The following ACYP2 variants were observed in gnomAD, a reference collection of about 807,000 sequenced individuals.
The protein encoded by ACYP2 is acylphosphatase 2, also known as acylphosphatase-2.
A neutral mutation model predicts 11.2 loss-of-function variants in ACYP2; 12 were observed. The ratio of observed to expected loss-of-function variants is 1.08; its 90% confidence interval spans 0.69 to 1.74. ACYP2 has a LOEUF of 1.74. Ranked by LOEUF, ACYP2 falls within the 40% of genes most tolerant of loss-of-function variation. The probability of loss-of-function intolerance (pLI) is 0.00; values close to 1 mark genes in which losing one functional copy is unlikely to be tolerated. For missense variants in ACYP2, 134 were observed against 101.9 expected, an observed-to-expected ratio of 1.31 and a Z score of -1.35; for synonymous variants, 43 against 32.2, an observed-to-expected ratio of 1.33 and a Z score of -1.13.
At position 54,138,761 on chromosome 2, in the gene ACYP2, A is replaced by G. The variant is rs746928473; in HGVS notation, c.404+13A>G. 7 of 1,597,056 alleles carry G rather than the reference A, an allele frequency of 4.4e-6. No homozygotes were observed. The African/African-American group carries it at 8.1e-5, about 18-fold the overall frequency. On this transcript the variant is annotated intron_variant, in intron 6 of 6. Transcript: ENST00000607452. ...AAGTCAATTCCATGTGAGTAGTAAA[A>G]TTAATAACATGTACATGAAATTTAT...
At chr2:54,134,718 C>T (rs1681121614) in intron 4 of ACYP2, among the ~76,000 whole-genome samples, 2 of 152,164 alleles carry the variant, frequency 1.3e-5, no homozygotes, top group South Asian at 4.1e-4. Context: ...TTATTTATTT[C>T]ATTTACTTAC....
intron 2 of ACYP2, among the ~76,000 whole-genome samples, chr2:54,015,752 G>A (rs778298021): frequency 6.6e-6 from 1 of 151,882 alleles, no homozygotes; most frequent in Non-Finnish European, 1.5e-5. Context: ...CAAGATCCCA[G>A]GTGATTTCAG....
chr2:54,070,270 C>CAAAAAAAAAAAAAAAAAAA (rs200624759), intron 4 of ACYP2, among the ~76,000 whole-genome samples: 2 of 89,912 alleles, frequency 2.2e-5, no homozygotes, highest in Non-Finnish European at 4.4e-5. Context: ...AAGTCCATCT[C>CAAAAAAAAAAAAAAAAAAA]AAAAAAAAAA....
At chr2:54,036,275 A>G (rs568717609) in intron 2 of ACYP2, among the ~76,000 whole-genome samples, 15 of 152,216 alleles carry the variant, frequency 9.9e-5, no homozygotes, top group Non-Finnish European at 1.5e-4. Flanking sequence ...TTGTATTTTT[A>G]GTAGAGACGG....
At chr2:54,095,685 A>G (rs1678509521) in intron 4 of ACYP2, among the ~76,000 whole-genome samples, 1 of 106,696 alleles carries the variant, frequency 9.4e-6, no homozygotes, top group African/African-American at 3.7e-5. Flanking sequence ...TCCCTCCTGG[A>G]CGGGGCGGCT....
intron 4 of ACYP2, among the ~76,000 whole-genome samples, chr2:54,099,443 C>G (rs1352533912): frequency 6.6e-6 from 1 of 152,160 alleles, no homozygotes; most frequent in Non-Finnish European, 1.5e-5. Context: ...GTCTCCACTC[C>G]CACCCCCAGA....
In ACYP2 at chr2:54,295,507, G is replaced by T. The variant is rs114412861; in HGVS notation, c.405-9181G>T. Among the ~76,000 whole-genome samples the T allele has an allele frequency of 3.0e-3, 457 of 152,218 alleles. 4 individuals carry two copies. The highest frequency in any genetic ancestry group is 0.01 in the African/African-American group (430 of 41,530). The stretch of plus-strand genomic sequence containing the variant: ...CAGGGTTCCTTTCTGTATGTGGATG[G>T]TATAGGTGCCTAGAAATTGCCCTCC... On this transcript the variant is annotated intron_variant, in intron 6 of 6. Transcript: ENST00000607452.
chr2:53,977,525 G>C (rs968995860), intron 2 of ACYP2, among the ~76,000 whole-genome samples: 2 of 151,656 alleles, frequency 1.3e-5, no homozygotes, highest in African/African-American at 4.8e-5. Context: ...ACGAGGTCAA[G>C]AGTTTGAGAC....
At chr2:54,102,827 G>A (rs937585491) in intron 4 of ACYP2, among the ~76,000 whole-genome samples, 3 of 152,108 alleles carry the variant, frequency 2.0e-5, no homozygotes, top group Non-Finnish European at 2.9e-5. Context: ...TCTCTTGCCT[G>A]TTGGCAAAAT....
At chr2:53,992,494 A>T (rs916641137) in intron 2 of ACYP2, among the ~76,000 whole-genome samples, 3 of 152,218 alleles carry the variant, frequency 2.0e-5, no homozygotes, top group African/African-American at 7.2e-5. Flanking sequence ...GGCTTGTATC[A>T]CGGTAGAAGT....
chr2:54,283,576 C>T (rs1688939129), intron 6 of ACYP2, among the ~76,000 whole-genome samples: 1 of 152,140 alleles, frequency 6.6e-6, no homozygotes, highest in South Asian at 2.1e-4. Context: ...ACTCAAAAGC[C>T]CATGGTTTTA....
intron 4 of ACYP2, among the ~76,000 whole-genome samples, chr2:54,118,947 G>A (rs1679978438): frequency 6.7e-6 from 1 of 150,130 alleles, no homozygotes; most frequent in African/African-American, 2.5e-5. Flanking sequence ...CCCTGTAACT[G>A]CAATGGTTTT....
At chr2:54,075,145 G>A (rs1383795554) in intron 4 of ACYP2, among the ~76,000 whole-genome samples, 1 of 152,114 alleles carries the variant, frequency 6.6e-6, no homozygotes, top group African/African-American at 2.4e-5. Flanking sequence ...TTCAACGGAC[G>A]GTGTGTGCCT....
At chr2:54,252,664 T>C (rs918668445) in intron 6 of ACYP2, among the ~76,000 whole-genome samples, 9 of 152,170 alleles carry the variant, frequency 5.9e-5, no homozygotes, top group African/African-American at 2.2e-4. Flanking sequence ...AAAATAAATA[T>C]GCCAATGGTC....
At chr2:54,010,717 G>A (rs565748622) in intron 2 of ACYP2, among the ~76,000 whole-genome samples, 1 of 134,094 alleles carries the variant, frequency 7.5e-6, no homozygotes, top group Non-Finnish European at 1.6e-5. Context: ...CTCCACTTCG[G>A]TTTCTCTTTT....
At chr2:54,131,373 G>C (rs1464253821) in intron 4 of ACYP2, among the ~76,000 whole-genome samples, 1 of 152,146 alleles carries the variant, frequency 6.6e-6, no homozygotes, top group Admixed American at 6.6e-5. Flanking sequence ...ATGGTGGAAG[G>C]GCTGCTCGAG....
chr2:54,149,201 G>C (rs1354692353), intron 6 of ACYP2, among the ~76,000 whole-genome samples: 1 of 152,096 alleles, frequency 6.6e-6, no homozygotes, highest in African/African-American at 2.4e-5. Flanking sequence ...GAATTAAATT[G>C]CCTTTAAAAA....
At chr2:54,228,320 C>A (rs1450975901) in intron 6 of ACYP2, among the ~76,000 whole-genome samples, 1 of 152,182 alleles carries the variant, frequency 6.6e-6, no homozygotes. Context: ...ACCATAACAA[C>A]AGCAACAGCT....
intron 6 of ACYP2, among the ~76,000 whole-genome samples, chr2:54,263,869 G>A (rs868196113): frequency 1.3e-5 from 2 of 150,998 alleles, no homozygotes; most frequent in Middle Eastern, 3.4e-3. Flanking sequence ...ACAATCACTA[G>A]TTGAAACCAG....
Sources: gnomAD v4.1 joint callset for allele counts (sites outside exome capture counted in the v4.1 genomes callset) on GRCh38, gnomAD v4.1.1 for gene constraint, MANE v1.5 for transcripts, NCBI Gene and HGNC (gene_info 2026-07-23, HGNC 2026-07-21) for gene names.